The following TNIK variants were observed in gnomAD, a reference collection of about 807,000 sequenced individuals.
TNIK encodes the protein TRAF2 and NCK interacting kinase.
In TNIK, 49 loss-of-function variants were observed where a neutral mutation model predicts 191.3. The ratio of observed to expected loss-of-function variants is 0.26; its 90% CI spans 0.20 to 0.32. The LOEUF is 0.32. Ranked by LOEUF, TNIK falls within the 10% of genes least tolerant of loss-of-function variation. The pLI is 1.00. For missense variants in TNIK, 1,155 were observed against 1,702.3 expected (o/e 0.68, Z 5.66); for synonymous variants, 594 against 600.9 (o/e 0.99, Z 0.17).
At chr3:171,321,425 A>G (rs973116052) in intron 2 of TNIK, among the ~76,000 whole-genome samples, 4 of 152,174 alleles carry the variant, frequency 2.6e-5, no homozygotes, top group Non-Finnish European at 5.9e-5. Context: ...CAAAACAGAA[A>G]ACTGTATAAA....
chr3:171,222,341 T>C (rs1006778975), intron 3 of TNIK, among the ~76,000 whole-genome samples: 5 of 152,098 alleles, frequency 3.3e-5, no homozygotes, highest in Admixed American at 1.3e-4. Flanking sequence ...CTTTGTAAAA[T>C]AGATATACCA....
At chr3:171,110,333 A>G (rs1236130177) in intron 19 of TNIK, among the ~76,000 whole-genome samples, 1 of 152,252 alleles carries the variant, frequency 6.6e-6, no homozygotes, top group Non-Finnish European at 1.5e-5. Context: ...TGTTCAGAAT[A>G]CTAAACAGGA....
At chr3:171,416,644 A>G (rs1472662190) in intron 1 of TNIK, among the ~76,000 whole-genome samples, 1 of 152,192 alleles carries the variant, frequency 6.6e-6, no homozygotes, top group African/African-American at 2.4e-5. Context: ...TTTTCCATAT[A>G]TATCATGTCC....
At chr3:171,403,628 A>G (rs984403515) in intron 1 of TNIK, among the ~76,000 whole-genome samples, 4 of 151,468 alleles carry the variant, frequency 2.6e-5, no homozygotes, top group South Asian at 2.1e-4. Context: ...AAAAAAAAAA[A>G]AAAAAGAAAA....
intron 9 of TNIK, among the ~76,000 whole-genome samples, chr3:171,173,262 G>A (rs1397656849): frequency 1.3e-5 from 2 of 151,624 alleles, no homozygotes; most frequent in African/African-American, 4.8e-5. Context: ...AGGGCATGGT[G>A]GCGGGCGCCT....
chr3:171,084,378 G>C lies in TNIK; in HGVS notation c.2999-53C>G, dbSNP rs572280849. 1.9e-6 allele frequency: 3 copies of C among 1,563,758 alleles called. No individual in the cohort carries two copies. In the African/African-American group the frequency reaches 4.1e-5, roughly 21 times the overall value. ...GTGACATCTTAAAAGATAACTTATG[G>C]AGATGGGGCTTCAAAACACTATGAT... On this transcript the variant is annotated intron_variant, in intron 25 of 32. Transcript: ENST00000436636.
intron 2 of TNIK, among the ~76,000 whole-genome samples, chr3:171,364,073 G>A (rs116336817): frequency 0.021 from 3,137 of 152,262 alleles, 97 homozygotes; most frequent in African/African-American, 0.071. Flanking sequence ...GCAGTTTCTG[G>A]AGGTGCGGTC....
At chr3:171,416,946 C>T (rs963382156) in intron 1 of TNIK, among the ~76,000 whole-genome samples, 4 of 152,154 alleles carry the variant, frequency 2.6e-5, no homozygotes, top group African/African-American at 9.7e-5. Flanking sequence ...TTCTAAGAAG[C>T]AAACAATGGC....
rs920183633 is a variant in TNIK at position 171,460,144 on chromosome 3, C to G, written c.-81G>C. 63 of 1,529,412 alleles carry G rather than the reference C, an allele frequency of 4.1e-5. No individual in the cohort carries two copies. The highest frequency in any genetic ancestry group is 5.2e-5 in the Non-Finnish European group (59 of 1,130,306). The allele number at this position is 1,529,412 out of a possible 1,614,324, so 94.7% of individuals were successfully genotyped here. ...AAATTCCACCTTGGTCTATTTCACT[C>G]GCGTCCTCATGCGGGTGTCGCGCCA... On this transcript the variant is annotated 5_prime_UTR_variant, in exon 1 of 33. Transcript: ENST00000436636. This position sits in a 1 kb window ranked among gnomAD's most constrained non-coding sequence, Gnocchi z 6.8.
At chr3:171,368,865 T>C (rs1716100941) in intron 2 of TNIK, among the ~76,000 whole-genome samples, 1 of 152,164 alleles carries the variant, frequency 6.6e-6, no homozygotes, top group Admixed American at 6.6e-5. Flanking sequence ...TTGGTTTGTT[T>C]TGATGGCATT....
chr3:171,349,383 T>C (rs1036522702), intron 2 of TNIK, among the ~76,000 whole-genome samples: 2 of 152,168 alleles, frequency 1.3e-5, no homozygotes, highest in African/African-American at 4.8e-5. Context: ...ATAACTCTTG[T>C]ATTGTACAAA....
intron 1 of TNIK, among the ~76,000 whole-genome samples, chr3:171,396,312 A>G (rs1720248243): frequency 1.3e-5 from 2 of 152,232 alleles, no homozygotes; most frequent in African/African-American, 4.8e-5. Context: ...GCCAAGCAAC[A>G]TGCCATTGTT....
chr3:171,174,273 G>T lies in TNIK; in HGVS notation c.773+979C>A, dbSNP rs1467810206. On this transcript the variant is annotated intron_variant, in intron 9 of 32. Coordinates refer to ENST00000436636, the MANE Select transcript of TNIK (RefSeq NM_015028.4). Reference sequence around the variant, plus strand: ...CTGTGTGTGGGTGGGTGGGAAACATGAGGACCCCAGTCAAGCGCCTGATCA... The same window carrying T: ...CTGTGTGTGGGTGGGTGGGAAACATTAGGACCCCAGTCAAGCGCCTGATCA... 2.0e-5 allele frequency among the ~76,000 whole-genome samples: 3 copies of T among 152,130 alleles called. No homozygotes were observed. In the East Asian group the frequency reaches 5.8e-4, roughly 29 times the overall value.
Position 171,333,585 on chromosome 3 carries a change from A to G in TNIK, c.123+36035T>C, listed in dbSNP as rs1377546973. 3.1e-4 allele frequency among the ~76,000 whole-genome samples: 5 copies of G among 16,218 alleles called. No homozygotes were observed. The South Asian group carries it at 6.4e-3, about 21-fold the overall frequency. 10.6% of individuals were successfully genotyped at this position (16,218 alleles called of 152,430 possible). A position where few individuals can be genotyped will look rare whatever the true frequency, so the allele number is the denominator to read the frequency against. On this transcript the variant is annotated intron_variant, in intron 2 of 32. Coordinates refer to ENST00000436636, the MANE Select transcript of TNIK (RefSeq NM_015028.4). ...AGACTCAGATGTCTCAAAAAGAAAGAAAAAAAAAAAAAAAAAAAACCTACA... is the reference window on the plus strand; with the variant it reads ...AGACTCAGATGTCTCAAAAAGAAAGGAAAAAAAAAAAAAAAAAAACCTACA...
Position 171,093,986 on chromosome 3 carries a change from A to G in TNIK, c.2592-18T>C. On this transcript the variant is annotated intron_variant, in intron 22 of 32. Coordinates refer to ENST00000436636, the MANE Select transcript of TNIK (RefSeq NM_015028.4). ...CTGTTGGTCTGAGATGAGAAGGAACAACATTCATGGCAATGTATCTTTAGG... is the reference window on the plus strand; with the variant it reads ...CTGTTGGTCTGAGATGAGAAGGAACGACATTCATGGCAATGTATCTTTAGG... 6.2e-7 allele frequency: 1 copy of G among 1,609,202 alleles called. No individual in the cohort carries two copies. Among genetic ancestry groups the G allele is most frequent in the Non-Finnish European group, 8.5e-7 (1 of 1,178,248 alleles).
intron 1 of TNIK, among the ~76,000 whole-genome samples, chr3:171,375,774 G>C (rs1401629958): frequency 6.6e-6 from 1 of 152,184 alleles, no homozygotes; most frequent in Non-Finnish European, 1.5e-5. Context: ...CATCATAAAA[G>C]ATGATACATA....
At chr3:171,103,605 T>C (rs1313052874) in intron 21 of TNIK, among the ~76,000 whole-genome samples, 2 of 152,148 alleles carry the variant, frequency 1.3e-5, no homozygotes, top group African/African-American at 2.4e-5. Flanking sequence ...TATTTTGTAT[T>C]CTGACATCTA....
chr3:171,261,642 G>A (rs1747632134), intron 2 of TNIK, among the ~76,000 whole-genome samples: 1 of 152,192 alleles, frequency 6.6e-6, no homozygotes, highest in South Asian at 2.1e-4. Flanking sequence ...CTGTCTTCCT[G>A]TACAGAGTAT....
At chr3:171,414,180 C>T (rs940640127) in intron 1 of TNIK, among the ~76,000 whole-genome samples, 1 of 152,198 alleles carries the variant, frequency 6.6e-6, no homozygotes, top group African/African-American at 2.4e-5. Flanking sequence ...TTTATTAAGC[C>T]AGCATCGAAA....
Sources: allele counts gnomAD v4.1 joint callset (sites outside exome capture counted in the v4.1 genomes callset), GRCh38; gene constraint gnomAD v4.1.1; non-coding constraint Gnocchi (gnomAD v3.1); transcripts MANE v1.5; gene names NCBI Gene and HGNC (gene_info 2026-07-23, HGNC 2026-07-21).